DDX60L: variants seen among roughly 807,000 people sequenced by gnomAD.
DDX60L encodes probable ATP-dependent RNA helicase DDX60-like.
Under a neutral mutation model 211.6 loss-of-function variants are expected in DDX60L, and 191 were observed. That is an observed-to-expected ratio of 0.90 (90% CI 0.80 to 1.02). The LOEUF is 1.02. Among genes scored for constraint, DDX60L ranks in the 50% least tolerant of loss-of-function variants. The pLI is 0.00. For synonymous variants in DDX60L, 706 were observed against 694.1 expected (o/e 1.02, Z -0.27); for missense variants, 2,007 against 1,984.1 (o/e 1.01, Z -0.22).
intron 26 of DDX60L, 23 bp from the exon 27 acceptor site, chr4:168,396,147 A>AC: frequency 7.3e-7 from 1 of 1,373,726 alleles, no homozygotes; most frequent in Non-Finnish European, 9.8e-7. Flanking sequence ...AAAAAAAAAA[A>AC]ACTTTTAAGT....
At chr4:168,361,243 T>TTTATGTTA in intron 36 of DDX60L, 32 bp from the exon 37 acceptor site, 1 of 1,406,420 alleles carries the variant, frequency 7.1e-7, no homozygotes, top group Non-Finnish European at 9.9e-7. Context: ...AATTAAAAAG[T>TTTATGTTA]ATAAAAACAT....
chr4:168,367,405 G>A (rs1451176676), intron 36 of DDX60L, among the ~76,000 whole-genome samples: 1 of 152,204 alleles, frequency 6.6e-6, no homozygotes, highest in Non-Finnish European at 1.5e-5. Context: ...CACCATGTGA[G>A]ACGTGCCTTT....
chr4:168,427,909 G>A (rs1240723582), intron 13 of DDX60L, among the ~76,000 whole-genome samples: 1 of 152,194 alleles, frequency 6.6e-6, no homozygotes, highest in Non-Finnish European at 1.5e-5. Flanking sequence ...ATTTCAGTGT[G>A]GAGGCTGCTC....
intron 27 of DDX60L, among the ~76,000 whole-genome samples, chr4:168,395,033 A>T (rs1013162884): frequency 2.0e-5 from 3 of 152,128 alleles, no homozygotes; most frequent in Admixed American, 6.5e-5. Flanking sequence ...TCACTGAACC[A>T]CTCACAAGTC....
In DDX60L at chr4:168,398,411, C is replaced by A. The variant is rs544212030; in HGVS notation, c.3492-2287G>T. Among the ~76,000 whole-genome samples, 71 of 152,314 alleles carry A rather than the reference C, an allele frequency of 4.7e-4. 1 individual carries two copies. Among genetic ancestry groups the A allele is most frequent in the African/African-American group, 1.7e-3 (69 of 41,574 alleles). ...AGTGCCAGTGAGCATGGGAGGGAGG[C>A]CAAAGTGGGGGCTAAGAGCAGCTCG... On this transcript the variant is annotated intron_variant, in intron 26 of 37. Transcript: ENST00000682922.
chr4:168,457,695 A>C (rs1873135), intron 6 of DDX60L, among the ~76,000 whole-genome samples, 197 bp downstream of exon 6: 44,122 of 151,938 alleles, frequency 0.29, 8,060 homozygotes, highest in East Asian at 0.62. Context: ...TCCGGAAATG[A>C]ATATAAAATT....
Position 168,423,685 on chromosome 4 carries a change from C to G in DDX60L, c.2020G>C (p.Glu674Gln), listed in dbSNP as rs2149893559. 6.2e-7 allele frequency: 1 copy of G among 1,606,296 alleles called. No homozygotes were observed. The highest frequency in any genetic ancestry group is 2.2e-5 in the East Asian group (1 of 44,494). Residue 674 changes from glutamate to glutamine, a missense_variant, in exon 15 of 38, where the codon GAA becomes CAA. Transcript: ENST00000682922. ...CATTTAGCTATATATTGATGATGTTCTGCTTCCAAAATTTCTGGGTATCTC... is the reference window on the plus strand; with the variant it reads ...CATTTAGCTATATATTGATGATGTTGTGCTTCCAAAATTTCTGGGTATCTC... ...LERYPEILEAEHHQYIAKCLK... is the reference protein window; with the variant it reads ...LERYPEILEAQHHQYIAKCLK...
chr4:168,472,484 CTG>C lies in DDX60L; in HGVS notation c.43_44del (p.Gln15ValfsTer5), dbSNP rs1329631769. The C allele has an allele frequency of 5.7e-6, 9 of 1,572,866 alleles. No homozygotes were observed. The highest frequency in any genetic ancestry group is 7.8e-6 in the Non-Finnish European group (9 of 1,157,720). ...DHAVFFREMT[Q>X]LILNEMPKAG... is the part of the protein sequence containing the mutation. ...CTTTTGGCATTTCATTCAAAATTAA[CTG>C]TGTCATTTCCCTGAAAAATACTGCA... On this transcript the variant is annotated frameshift_variant, in exon 3 of 38. Transcript: ENST00000682922. LOFTEE classifies it high-confidence loss of function.
Position 168,427,186 on chromosome 4 carries a change from A to T in DDX60L, c.1814T>A (p.Ile605Lys). ...EEMKNNLHSGIRKLEDYLTSC... is the reference protein window; with the variant it reads ...EEMKNNLHSGKRKLEDYLTSC... ...TGTCAAATAATCTTCCAATTTCCTT[A>T]TTCCAGAATGTAAATTGTTCTTCAT... is the stretch of plus-strand genomic sequence containing the variant. Residue 605 changes from isoleucine to lysine, a missense_variant, in exon 14 of 38, where the codon ATA becomes AAA. Physicochemically the swap from Ile to Lys is moderately radical, Grantham distance 102. Transcript: ENST00000682922. 6.2e-7 allele frequency: 1 copy of T among 1,612,780 alleles called. No individual in the cohort carries two copies. The highest frequency in any genetic ancestry group is 1.3e-5 in the African/African-American group (1 of 75,060).
chr4:168,427,441 C>T (rs1751645205), intron 13 of DDX60L, 119 bp from the exon 14 acceptor site: 2 of 1,106,850 alleles, frequency 1.8e-6, no homozygotes, highest in African/African-American at 1.6e-5. Context: ...TACTCGTGCA[C>T]AGGCAAGAAT....
chr4:168,443,348 G>A (rs1289131976), intron 9 of DDX60L, among the ~76,000 whole-genome samples: 7 of 151,902 alleles, frequency 4.6e-5, no homozygotes, highest in Admixed American at 1.3e-4. Flanking sequence ...AAAGAAATGA[G>A]CAAAGCCTCC....
chr4:168,385,821 C>A (rs56183068), intron 29 of DDX60L, among the ~76,000 whole-genome samples: 6,244 of 152,172 alleles, frequency 0.041, 139 homozygotes, highest in Middle Eastern at 0.092. Context: ...AACAGGTATT[C>A]CCTATCATGC....
intron 25 of DDX60L, among the ~76,000 whole-genome samples, chr4:168,403,491 C>T (rs1747197576): frequency 6.6e-6 from 1 of 152,206 alleles, no homozygotes; most frequent in East Asian, 1.9e-4. Context: ...ATGTGTCCCA[C>T]TTCGGTTCTC....
intron 22 of DDX60L, among the ~76,000 whole-genome samples, chr4:168,414,664 T>C (rs949531070): frequency 5.3e-5 from 8 of 151,996 alleles, no homozygotes; most frequent in African/African-American, 1.9e-4. Flanking sequence ...AACAGTGGAA[T>C]ACCATTCAGC....
At chr4:168,470,084 A>G (rs1294614800) in intron 4 of DDX60L, 2 of 152,228 alleles carry the variant, frequency 1.3e-5, no homozygotes, top group Non-Finnish European at 2.9e-5. Context: ...AGTAGGCAAC[A>G]TCATTAGCCA....
At chr4:168,379,080 A>G (rs1051288879) in intron 32 of DDX60L, among the ~76,000 whole-genome samples, 2 of 152,220 alleles carry the variant, frequency 1.3e-5, no homozygotes, top group African/African-American at 2.4e-5. Context: ...TCATATGACC[A>G]TCAGAAACTT....
At chr4:168,416,445 A>G (rs1337056346) in intron 20 of DDX60L, among the ~76,000 whole-genome samples, 1 of 144,814 alleles carries the variant, frequency 6.9e-6, no homozygotes, top group Admixed American at 6.7e-5. Context: ...AAAGCCAGAC[A>G]TGGTAATGTA....
intron 29 of DDX60L, among the ~76,000 whole-genome samples, chr4:168,390,904 T>C (rs1397664541): frequency 6.6e-6 from 1 of 152,136 alleles, no homozygotes; most frequent in Non-Finnish European, 1.5e-5. Context: ...TAAAAAGTTA[T>C]CTGGAGACCT....
chr4:168,371,019 T>C (rs1441078737), intron 36 of DDX60L, among the ~76,000 whole-genome samples: 4 of 151,952 alleles, frequency 2.6e-5, no homozygotes, highest in African/African-American at 9.7e-5. Flanking sequence ...CTTTCAGATC[T>C]TTTCCCTCCA....
Sources: gnomAD v4.1 joint callset for allele counts (sites outside exome capture counted in the v4.1 genomes callset) on GRCh38, gnomAD v4.1.1 for gene constraint, MANE v1.5 for transcripts, NCBI Gene and HGNC (gene_info 2026-07-23, HGNC 2026-07-21) for gene names.